RUNX2: variants seen among roughly 807,000 people sequenced by gnomAD.
RUNX2 encodes RUNX family transcription factor 2.
A neutral mutation model predicts 51.7 loss-of-function variants in RUNX2; 10 were observed. That is an observed-to-expected ratio of 0.19 (90% CI 0.12 to 0.33). The LOEUF is 0.33. Among genes scored for constraint, RUNX2 ranks in the 10% least tolerant of loss-of-function variants. RUNX2 has a pLI of 1.00. For synonymous variants in RUNX2, 276 were observed against 273.6 expected, an observed-to-expected ratio of 1.01 and a Z score of -0.09; for missense variants, 562 against 691.3, an observed-to-expected ratio of 0.81 and a Z score of 2.10.
intron 2 of RUNX2, among the ~76,000 whole-genome samples, chr6:45,358,358 T>C (rs1793614892): frequency 6.6e-6 from 1 of 152,210 alleles, no homozygotes; most frequent in South Asian, 2.1e-4. Flanking sequence ...TAGGTACACA[T>C]GGCTAGTGGC....
At chr6:45,514,947 T>G (rs1801273565) in intron 7 of RUNX2, among the ~76,000 whole-genome samples, 1 of 152,034 alleles carries the variant, frequency 6.6e-6, no homozygotes, top group Non-Finnish European at 1.5e-5. Context: ...GTTTTTTTTT[T>G]TTTTGTTTGT....
chr6:45,543,496 C>T (rs930758672), intron 7 of RUNX2, among the ~76,000 whole-genome samples: 1 of 152,182 alleles, frequency 6.6e-6, no homozygotes, highest in African/African-American at 2.4e-5. Flanking sequence ...CTTGGGAGCT[C>T]TGAGCGTACC....
intron 3 of RUNX2, among the ~76,000 whole-genome samples, chr6:45,424,400 G>A (rs1310303770): frequency 6.6e-6 from 1 of 152,228 alleles, no homozygotes; most frequent in Non-Finnish European, 1.5e-5. Context: ...AGGGATGCAG[G>A]GGTGGTAAGC....
At chr6:45,418,781 T>G (rs1798116976) in intron 2 of RUNX2, among the ~76,000 whole-genome samples, 1 of 152,194 alleles carries the variant, frequency 6.6e-6, no homozygotes, top group Non-Finnish European at 1.5e-5. Context: ...GCCAGATACC[T>G]GAAACGTTGT....
At chr6:45,488,832 C>T (rs556725410) in intron 5 of RUNX2, among the ~76,000 whole-genome samples, 4 of 152,258 alleles carry the variant, frequency 2.6e-5, no homozygotes, top group African/African-American at 9.6e-5. Context: ...TACTCGTTGG[C>T]CCGTTGGATG....
chr6:45,337,093 A>G (rs760352007), intron 2 of RUNX2, among the ~76,000 whole-genome samples: 2 of 151,742 alleles, frequency 1.3e-5, no homozygotes, highest in Non-Finnish European at 3.0e-5. Context: ...CCCCGAACAT[A>G]GGAGATATAC....
chr6:45,432,108 C>T (rs1415028366), intron 4 of RUNX2, 89 bp downstream of exon 4: 2 of 1,228,280 alleles, frequency 1.6e-6, no homozygotes, highest in Non-Finnish European at 2.3e-6. Flanking sequence ...CAAATCAGCA[C>T]CTTCTTTTTC....
intron 2 of RUNX2, chr6:45,378,083 A>C (rs1253760037): frequency 6.6e-6 from 1 of 152,030 alleles, no homozygotes; most frequent in Admixed American, 6.5e-5. Context: ...GCGCTCTCCC[A>C]GCCCGAGCGA....
chr6:45,503,741 T>C (rs932608047), intron 6 of RUNX2, among the ~76,000 whole-genome samples: 2 of 152,228 alleles, frequency 1.3e-5, no homozygotes, highest in Non-Finnish European at 2.9e-5. Context: ...AAGAAATGCC[T>C]GTCCTTTTCT....
chr6:45,339,282 T>A (rs1789271337), intron 2 of RUNX2, among the ~76,000 whole-genome samples: 1 of 152,138 alleles, frequency 6.6e-6, no homozygotes, highest in African/African-American at 2.4e-5. Flanking sequence ...GAGTAAGTCT[T>A]GGGGAAGAGC....
intron 2 of RUNX2, among the ~76,000 whole-genome samples, chr6:45,350,372 T>C (rs1791768472): frequency 6.6e-6 from 1 of 152,202 alleles, no homozygotes; most frequent in Non-Finnish European, 1.5e-5. Context: ...CACAATAAAA[T>C]ACAAGGAATT....
intron 5 of RUNX2, among the ~76,000 whole-genome samples, chr6:45,474,204 T>A (rs1025660532): frequency 2.0e-5 from 3 of 152,032 alleles, no homozygotes; most frequent in Admixed American, 1.3e-4. Context: ...TATAAAACTT[T>A]CTCTGAACTA....
chr6:45,424,698 G>A (rs1048114588), intron 3 of RUNX2, among the ~76,000 whole-genome samples: 22 of 152,254 alleles, frequency 1.4e-4, no homozygotes, highest in Non-Finnish European at 1.3e-4. Flanking sequence ...AGAAAGAGGA[G>A]TCCAGGTCAA....
intron 7 of RUNX2, among the ~76,000 whole-genome samples, chr6:45,538,900 C>T (rs917864438): frequency 6.6e-6 from 1 of 152,162 alleles, no homozygotes; most frequent in African/African-American, 2.4e-5. Context: ...TTCTGAAAGA[C>T]ACGGTGTCCT....
chr6:45,537,635 G>T (rs1002007122), intron 7 of RUNX2, among the ~76,000 whole-genome samples: 1 of 152,130 alleles, frequency 6.6e-6, no homozygotes, highest in East Asian at 1.9e-4. Flanking sequence ...AACACCATGG[G>T]ATGCTGTGGC....
intron 2 of RUNX2, among the ~76,000 whole-genome samples, chr6:45,374,985 G>C (rs1280422577): frequency 6.6e-6 from 1 of 152,052 alleles, no homozygotes; most frequent in Non-Finnish European, 1.5e-5. Flanking sequence ...GGCGGGTGGA[G>C]CACTTGAGAT....
intron 5 of RUNX2, among the ~76,000 whole-genome samples, chr6:45,472,079 TAG>T: frequency 6.6e-6 from 1 of 152,216 alleles, no homozygotes; most frequent in Non-Finnish European, 1.5e-5. Flanking sequence ...GCTTGTTTGA[TAG>T]TAATTCTCAT....
At chr6:45,506,671 G>GTTGTTT (rs1313927418) in intron 6 of RUNX2, among the ~76,000 whole-genome samples, 2 of 152,180 alleles carry the variant, frequency 1.3e-5, no homozygotes, top group African/African-American at 4.8e-5. Flanking sequence ...TGTTGTTGTT[G>GTTGTTT]TTGAGACAAA....
chr6:45,535,024 C>T (rs905984990), intron 7 of RUNX2, among the ~76,000 whole-genome samples: 8 of 152,058 alleles, frequency 5.3e-5, no homozygotes, highest in African/African-American at 1.5e-4. Context: ...TGTTCTTATA[C>T]GTGGGAGCCT....
Sources: allele counts gnomAD v4.1 joint callset (sites outside exome capture counted in the v4.1 genomes callset), GRCh38; gene constraint gnomAD v4.1.1; transcripts MANE v1.5; gene names NCBI Gene and HGNC (gene_info 2026-07-23, HGNC 2026-07-21).